Variants in KIAA1549L observed in about 807,000 individuals in gnomAD.
The protein encoded by KIAA1549L is KIAA1549 like.
A neutral mutation model predicts 160.7 loss-of-function variants in KIAA1549L; 88 were observed. The observed-to-expected ratio is 0.55, with a 90% confidence interval of 0.46 to 0.65. KIAA1549L has a LOEUF of 0.65. KIAA1549L is among the 30% of genes least tolerant of loss of function. The pLI, the probability that KIAA1549L is intolerant of heterozygous loss-of-function variation, is 0.00. For synonymous variants in KIAA1549L, 950 were observed against 976.7 expected (o/e 0.97, Z 0.51); for missense variants, 2,258 against 2,437.5 (o/e 0.93, Z 1.55).
chr11:33,463,028 C>T (rs576061491), intron 1 of KIAA1549L, among the ~76,000 whole-genome samples: 40 of 152,106 alleles, frequency 2.6e-4, no homozygotes, highest in African/African-American at 8.9e-4. Flanking sequence ...CGGGGTTCAC[C>T]GTGTTGGCCA....
At chr11:33,566,623 A>G (rs1163487183) in intron 8 of KIAA1549L, among the ~76,000 whole-genome samples, 2 of 152,136 alleles carry the variant, frequency 1.3e-5, no homozygotes, top group African/African-American at 4.8e-5. Context: ...AATTTCAGAG[A>G]CCTAGCTGTG....
Position 33,543,168 on chromosome 11 carries a change from T to C in KIAA1549L, c.1605T>C (p.Pro535=). The change falls in exon 2 of 21, where the codon CCT becomes CCC. Residue 535 remains proline (P), a synonymous_variant. Coordinates refer to ENST00000658780, the MANE Select transcript of KIAA1549L (RefSeq NM_012194.3). ...CAGCAGAGGGCAGTGATGGGTCCCC[T>C]CCTGCAACTAGAGACTTGCTCCTCT... ...TLPAEGSDGS[P]PATRDLLLSS... 1 of 1,613,910 alleles carries C rather than the reference T, an allele frequency of 6.2e-7. No homozygotes were observed. Among genetic ancestry groups the C allele is most frequent in the Non-Finnish European group, 8.5e-7 (1 of 1,179,878 alleles).
chr11:33,570,829 A>G (rs963936805), intron 9 of KIAA1549L, among the ~76,000 whole-genome samples: 1 of 152,214 alleles, frequency 6.6e-6, no homozygotes, highest in Non-Finnish European at 1.5e-5. Context: ...AGTTTTAACT[A>G]CCACAAGATG....
chr11:33,401,974 C>T (rs1032751532), intron 1 of KIAA1549L, among the ~76,000 whole-genome samples: 2 of 152,206 alleles, frequency 1.3e-5, no homozygotes, highest in Admixed American at 6.5e-5. Flanking sequence ...CACAGCTGTC[C>T]CTCTGCTCCA....
At chr11:33,390,576 A>G (rs1850254443) in intron 1 of KIAA1549L, among the ~76,000 whole-genome samples, 1 of 152,196 alleles carries the variant, frequency 6.6e-6, no homozygotes, top group Admixed American at 6.5e-5. Flanking sequence ...CCTCTCATCC[A>G]TTCAGCAGAG....
intron 4 of KIAA1549L, among the ~76,000 whole-genome samples, chr11:33,548,228 G>A (rs189414631): frequency 5.3e-5 from 8 of 152,168 alleles, no homozygotes; most frequent in African/African-American, 7.2e-5. Context: ...ATGAAACCCC[G>A]TCTCTACTAA....
At chr11:33,432,202 G>A (rs942440806) in intron 1 of KIAA1549L, among the ~76,000 whole-genome samples, 3 of 152,190 alleles carry the variant, frequency 2.0e-5, no homozygotes, top group Admixed American at 6.5e-5. Flanking sequence ...ACAGTGCAGC[G>A]GTGGGCTGAA....
At chr11:33,493,926 T>C (rs1400887934) in intron 1 of KIAA1549L, among the ~76,000 whole-genome samples, 1 of 152,190 alleles carries the variant, frequency 6.6e-6, no homozygotes, top group Non-Finnish European at 1.5e-5. Context: ...GTGACAGCAG[T>C]CCTATCCCAG....
At chr11:33,630,999 C>T (rs570472522) in intron 16 of KIAA1549L, among the ~76,000 whole-genome samples, 49 of 152,260 alleles carry the variant, frequency 3.2e-4, no homozygotes, top group African/African-American at 1.1e-3. Flanking sequence ...GGTGGAGGCA[C>T]GTGCAACGTA....
At chr11:33,524,869 T>G (rs560549511) in intron 1 of KIAA1549L, among the ~76,000 whole-genome samples, 145 of 152,110 alleles carry the variant, frequency 9.5e-4, no homozygotes, top group Non-Finnish European at 9.9e-4. Context: ...ACTGGAGACT[T>G]TAGGGGAAAA....
intron 16 of KIAA1549L, among the ~76,000 whole-genome samples, chr11:33,636,410 G>A (rs539035971): frequency 1.0e-4 from 15 of 147,796 alleles, no homozygotes; most frequent in African/African-American, 2.3e-4. Context: ...TTGCATTTGC[G>A]TAATCACGGC....
chr11:33,569,399 T>C (rs957308317), intron 9 of KIAA1549L, among the ~76,000 whole-genome samples: 3 of 152,186 alleles, frequency 2.0e-5, no homozygotes, highest in African/African-American at 7.2e-5. Context: ...ACTTCCTACC[T>C]GGAATTGAGC....
chr11:33,382,698 A>G (rs1590210675), intron 1 of KIAA1549L, among the ~76,000 whole-genome samples: 1 of 152,292 alleles, frequency 6.6e-6, no homozygotes, highest in East Asian at 1.9e-4. Context: ...TAGTACTTCA[A>G]AGATTCTTAC....
intron 1 of KIAA1549L, among the ~76,000 whole-genome samples, chr11:33,511,455 A>G (rs1853225590): frequency 6.6e-6 from 1 of 152,224 alleles, no homozygotes; most frequent in Admixed American, 6.5e-5. Flanking sequence ...CCTCAGTAAA[A>G]TTAATTCCTT....
intron 14 of KIAA1549L, among the ~76,000 whole-genome samples, chr11:33,608,740 A>G (rs1166809867): frequency 2.6e-5 from 4 of 152,210 alleles, no homozygotes; most frequent in African/African-American, 9.7e-5. Flanking sequence ...TTGTCCAGAA[A>G]TGGATGCTGT....
intron 8 of KIAA1549L, 33 bp from the exon 9 acceptor site, chr11:33,568,043 T>C (rs1429460854): frequency 6.4e-7 from 1 of 1,563,060 alleles, no homozygotes. Flanking sequence ...AAGTCTGCCT[T>C]CTGAGCCTCT....
chr11:33,638,540 A>G (rs1044951524), intron 16 of KIAA1549L, among the ~76,000 whole-genome samples: 121 of 151,994 alleles, frequency 8.0e-4, no homozygotes, highest in African/African-American at 2.7e-3. Context: ...TTGTTTATCC[A>G]TTATCCTATT....
chr11:33,500,177 G>A (rs1852912223), intron 1 of KIAA1549L, among the ~76,000 whole-genome samples: 1 of 152,144 alleles, frequency 6.6e-6, no homozygotes, highest in African/African-American at 2.4e-5. Flanking sequence ...CTTTTTCAGG[G>A]TGTTAGGAAA....
Position 33,651,430 on chromosome 11 carries a change from C to T in KIAA1549L, c.5761-4582C>T, listed in dbSNP as rs548085934. Among the ~76,000 whole-genome samples, 17 of 150,366 alleles carry T rather than the reference C, an allele frequency of 1.1e-4. No individual in the cohort carries two copies. The South Asian group carries it at 3.6e-3, about 32-fold the overall frequency. On this transcript the variant is annotated intron_variant, in intron 17 of 20. Transcript: ENST00000658780. Reference sequence around the variant, plus strand: ...CCAGCCTGTGCAAAAGAGCAAGACTCTGTCTCAAAAAAGAAAAAAAAAAAA... The same window carrying T: ...CCAGCCTGTGCAAAAGAGCAAGACTTTGTCTCAAAAAAGAAAAAAAAAAAA...
Sources: gnomAD v4.1 joint callset for allele counts (sites outside exome capture counted in the v4.1 genomes callset) on GRCh38, gnomAD v4.1.1 for gene constraint, MANE v1.5 for transcripts, NCBI Gene and HGNC (gene_info 2026-07-23, HGNC 2026-07-21) for gene names.